Variants in PDE5A observed in about 807,000 individuals in gnomAD.
PDE5A encodes the protein cGMP-specific 3',5'-cyclic phosphodiesterase.
In PDE5A, 67 loss-of-function variants were observed where a neutral mutation model predicts 110.2. That is an observed-to-expected ratio of 0.61 (90% confidence interval 0.50 to 0.75). The LOEUF is 0.75. Ranked by LOEUF, PDE5A falls within the 30% of genes least tolerant of loss-of-function variation. PDE5A has a pLI of 0.00. For synonymous variants in PDE5A, 328 were observed against 351.2 expected (o/e 0.93, Z 0.74); for missense variants, 862 against 1,045.1 (o/e 0.82, Z 2.42).
At chr4:119,501,664 G>A (rs1348008697) in intron 19 of PDE5A, among the ~76,000 whole-genome samples, 2 of 152,012 alleles carry the variant, frequency 1.3e-5, no homozygotes, top group East Asian at 1.9e-4. Context: ...AGGTCAGACA[G>A]CAACTAATAC....
chr4:119,599,159 C>A (rs1729252937), intron 2 of PDE5A, among the ~76,000 whole-genome samples: 1 of 152,056 alleles, frequency 6.6e-6, no homozygotes, highest in African/African-American at 2.4e-5. Flanking sequence ...TAAGACCAAG[C>A]CTGACAGGAT....
intron 17 of PDE5A, among the ~76,000 whole-genome samples, chr4:119,505,552 T>C (rs1302559328): frequency 2.0e-5 from 3 of 151,932 alleles, no homozygotes; most frequent in African/African-American, 4.8e-5. Flanking sequence ...TTTTCAGCAC[T>C]TCCATTACAA....
intron 18 of PDE5A, among the ~76,000 whole-genome samples, chr4:119,502,878 T>C (rs1201608119): frequency 2.0e-5 from 3 of 152,120 alleles, no homozygotes; most frequent in Non-Finnish European, 4.4e-5. Context: ...TTTGGTAGCT[T>C]CCAACATTTT....
At chr4:119,587,541 G>T (rs528336693) in intron 3 of PDE5A, among the ~76,000 whole-genome samples, 1 of 151,914 alleles carries the variant, frequency 6.6e-6, no homozygotes, top group Non-Finnish European at 1.5e-5. Flanking sequence ...CCGCCACCGC[G>T]CCCGGCTAAT....
chr4:119,600,330 A>G lies in PDE5A; in HGVS notation c.742-3718T>C, dbSNP rs183862915. Among the ~76,000 whole-genome samples, 45 of 152,260 alleles carry G rather than the reference A, an allele frequency of 3.0e-4. No individual in the cohort carries two copies. The East Asian group carries it at 5.2e-3, about 18-fold the overall frequency. ...CAGTATGAATTCAGTTGTTTTTATT[A>G]TAATAAGTAGATAGATACAGAAATA... On this transcript the variant is annotated intron_variant, in intron 2 of 20. Transcript: ENST00000354960.
At chr4:119,606,152 T>C (rs1216431820) in intron 2 of PDE5A, among the ~76,000 whole-genome samples, 3 of 152,330 alleles carry the variant, frequency 2.0e-5, no homozygotes, top group African/African-American at 4.8e-5. Context: ...TGAAAACTTT[T>C]AGAGCAAAAA....
intron 3 of PDE5A, among the ~76,000 whole-genome samples, chr4:119,585,004 G>A (rs543658681): frequency 2.0e-4 from 31 of 152,252 alleles, no homozygotes; most frequent in Non-Finnish European, 3.2e-4. Context: ...GGCCGGGTGC[G>A]GTGGCTCACG....
At chr4:119,584,584 A>T (rs1196236010) in intron 3 of PDE5A, among the ~76,000 whole-genome samples, 1 of 152,218 alleles carries the variant, frequency 6.6e-6, no homozygotes, top group Non-Finnish European at 1.5e-5. Flanking sequence ...CAAGTGTCAA[A>T]TTATGTGGCT....
At chr4:119,598,821 A>G (rs1729242314) in intron 2 of PDE5A, among the ~76,000 whole-genome samples, 1 of 152,198 alleles carries the variant, frequency 6.6e-6, no homozygotes, top group Non-Finnish European at 1.5e-5. Context: ...GAAAGTATAA[A>G]GCACAGGGGC....
At chr4:119,587,173 C>A (rs1159695998) in intron 3 of PDE5A, among the ~76,000 whole-genome samples, 1 of 151,260 alleles carries the variant, frequency 6.6e-6, no homozygotes, top group African/African-American at 2.4e-5. Context: ...TAAAACAAAA[C>A]TACAAGAAAG....
intron 9 of PDE5A, chr4:119,549,110 G>A (rs374757760): frequency 1.3e-5 from 1 of 75,974 alleles, no homozygotes; most frequent in Non-Finnish European, 3.0e-5. Context: ...AGGTCCACCC[G>A]AGTAATTTAT....
chr4:119,515,489 G>A (rs953967832), intron 14 of PDE5A, among the ~76,000 whole-genome samples: 2 of 151,832 alleles, frequency 1.3e-5, no homozygotes, highest in South Asian at 2.1e-4. Flanking sequence ...AAACACATTC[G>A]TTCGATCATT....
At chr4:119,567,969 T>C (rs904780947) in intron 3 of PDE5A, among the ~76,000 whole-genome samples, 1 of 152,148 alleles carries the variant, frequency 6.6e-6, no homozygotes, top group Non-Finnish European at 1.5e-5. Flanking sequence ...TTCAGAAATA[T>C]GTATCTTTAG....
intron 14 of PDE5A, among the ~76,000 whole-genome samples, chr4:119,516,587 A>G (rs1186377786): frequency 6.6e-6 from 1 of 151,904 alleles, no homozygotes; most frequent in African/African-American, 2.4e-5. Flanking sequence ...ATTACTGCCT[A>G]TTTTTAAAAT....
At chr4:119,617,579 G>A (rs1729985084) in intron 1 of PDE5A, among the ~76,000 whole-genome samples, 1 of 152,026 alleles carries the variant, frequency 6.6e-6, no homozygotes, top group Admixed American at 6.6e-5. Context: ...AATATTTCTT[G>A]GCTTCTAGAA....
chr4:119,508,072 A>G (rs1725615275), intron 15 of PDE5A, among the ~76,000 whole-genome samples: 1 of 152,012 alleles, frequency 6.6e-6, no homozygotes, highest in Non-Finnish European at 1.5e-5. Flanking sequence ...ATGAAGAAAG[A>G]AGTGGTAAAA....
At chr4:119,509,951 C>G (rs1439562442) in intron 15 of PDE5A, among the ~76,000 whole-genome samples, 3 of 151,900 alleles carry the variant, frequency 2.0e-5, no homozygotes. Context: ...AAGCAAGGCA[C>G]TCATATCAGT....
chr4:119,571,316 CAT>C (rs1170546873), intron 3 of PDE5A, among the ~76,000 whole-genome samples: 2 of 152,018 alleles, frequency 1.3e-5, no homozygotes, highest in Non-Finnish European at 2.9e-5. Context: ...GGGTTTTTGA[CAT>C]GTGATAAAGT....
In PDE5A at chr4:119,501,265, A is replaced by C; in HGVS notation, c.2407-12T>G. ...CTGTTCATTAGATCCTGAAAATACAAATACAGACCAGACACACAGATGTGC... is the reference window on the plus strand; with the variant it reads ...CTGTTCATTAGATCCTGAAAATACACATACAGACCAGACACACAGATGTGC... On this transcript the variant is annotated splice_polypyrimidine_tract_variant and intron_variant, in intron 19 of 20. Transcript: ENST00000354960. 6.8e-7 allele frequency: 1 copy of C among 1,460,086 alleles called. No homozygotes were observed. The highest frequency in any genetic ancestry group is 9.6e-7 in the Non-Finnish European group (1 of 1,040,534). 90.4% of individuals were successfully genotyped at this position (1,460,086 alleles called of 1,614,324 possible). A position where few individuals can be genotyped will look rare whatever the true frequency, so the allele number is the denominator to read the frequency against.
Sources: allele counts gnomAD v4.1 joint callset (sites outside exome capture counted in the v4.1 genomes callset), GRCh38; gene constraint gnomAD v4.1.1; transcripts MANE v1.5; gene names NCBI Gene and HGNC (gene_info 2026-07-23, HGNC 2026-07-21).